PRUNE2: variants seen among roughly 807,000 people sequenced by gnomAD.
PRUNE2 encodes prune homolog 2 with BCH domain, also known as protein prune homolog 2.
Under a neutral mutation model 252.0 loss-of-function variants are expected in PRUNE2, and 164 were observed. That is an observed-to-expected ratio of 0.65 (90% confidence interval 0.57 to 0.74). The LOEUF is 0.74. Among genes scored for constraint, PRUNE2 ranks in the 30% least tolerant of loss-of-function variants. The probability of loss-of-function intolerance (pLI) is 0.00; values close to 1 mark genes in which losing one functional copy is unlikely to be tolerated. For synonymous variants in PRUNE2, 1,292 were observed against 1,350.2 expected (o/e 0.96, Z 0.94); for missense variants, 3,495 against 3,711.0 (o/e 0.94, Z 1.51).
chr9:76,761,486 A>C (rs1251663908), intron 6 of PRUNE2, among the ~76,000 whole-genome samples: 1 of 152,244 alleles, frequency 6.6e-6, no homozygotes, highest in Non-Finnish European at 1.5e-5. Context: ...CAAAAGACTT[A>C]GTCAATTTAA....
At chr9:76,827,597 T>C (rs910021276) in intron 4 of PRUNE2, among the ~76,000 whole-genome samples, 1 of 152,172 alleles carries the variant, frequency 6.6e-6, no homozygotes, top group Admixed American at 6.5e-5. Context: ...TCTGTTTCAG[T>C]GTAGCCTTAA....
At chr9:76,622,530 G>A (rs548584429) in intron 17 of PRUNE2, among the ~76,000 whole-genome samples, 7 of 152,006 alleles carry the variant, frequency 4.6e-5, no homozygotes, top group African/African-American at 1.4e-4. Flanking sequence ...TCAAAATAGC[G>A]CTTTAATTTC....
intron 15 of PRUNE2, among the ~76,000 whole-genome samples, chr9:76,634,294 T>C (rs1052397190): frequency 2.0e-5 from 3 of 152,234 alleles, no homozygotes; most frequent in Admixed American, 2.0e-4. Flanking sequence ...ATAAGTAGTG[T>C]TGAATTATAA....
At chr9:76,862,553 A>G (rs1460757963) in intron 1 of PRUNE2, 2 of 152,208 alleles carry the variant, frequency 1.3e-5, no homozygotes, top group Admixed American at 6.5e-5. Context: ...AGCTTCTTCT[A>G]CTAAATGATA....
At chr9:76,886,834 T>A (rs1891834) in intron 1 of PRUNE2, among the ~76,000 whole-genome samples, 86,491 of 152,000 alleles carry the variant, frequency 0.57, 24,804 homozygotes, top group African/African-American at 0.63. Context: ...ATAAATACAT[T>A]TTTAACTCAG....
chr9:76,781,924 G>A (rs1011634541), intron 6 of PRUNE2, among the ~76,000 whole-genome samples: 5 of 152,112 alleles, frequency 3.3e-5, no homozygotes, highest in African/African-American at 1.2e-4. Flanking sequence ...GAAAGCATTG[G>A]GAAAGCCTGG....
intron 6 of PRUNE2, among the ~76,000 whole-genome samples, chr9:76,801,447 T>A (rs2056547989): frequency 6.6e-6 from 1 of 152,168 alleles, no homozygotes; most frequent in African/African-American, 2.4e-5. Flanking sequence ...CTCTAATTTT[T>A]AAAAATGATT....
chr9:76,644,440 AACAG>A (rs1250089578), intron 12 of PRUNE2: 8 of 424,632 alleles, frequency 1.9e-5, no homozygotes, highest in South Asian at 1.0e-4. Context: ...AAGAATGCCA[AACAG>A]ACATTTAAAT....
rs368996448 is a variant in PRUNE2 at position 76,614,610 on chromosome 9, A to G, written c.9237-10T>C. ...CAGCTTCAAGTCAATACTGCAAAGA[A>G]AAGAAAAAGAGAGAGAAACATGAGA... On this transcript the variant is annotated splice_polypyrimidine_tract_variant and intron_variant, in intron 18 of 18. Transcript: ENST00000376718. 6.2e-7 allele frequency: 1 copy of G among 1,608,306 alleles called. No individual in the cohort carries two copies. Among genetic ancestry groups the G allele is most frequent in the Non-Finnish European group, 8.5e-7 (1 of 1,175,912 alleles).
chr9:76,703,235 T>C, intron 9 of PRUNE2, 102 bp downstream of exon 9: 1 of 1,026,614 alleles, frequency 9.7e-7, no homozygotes, highest in Non-Finnish European at 1.4e-6. Context: ...GCAAAGCTGC[T>C]ATCATCCAGG....
intron 15 of PRUNE2, among the ~76,000 whole-genome samples, chr9:76,632,553 G>A (rs1206498030): frequency 3.3e-5 from 5 of 152,092 alleles, no homozygotes; most frequent in African/African-American, 1.2e-4. Context: ...GCCAGCTGCT[G>A]TCAGTTTATT....
At chr9:76,777,467 C>T (rs1050068239) in intron 6 of PRUNE2, among the ~76,000 whole-genome samples, 1 of 152,208 alleles carries the variant, frequency 6.6e-6, no homozygotes, top group Admixed American at 6.5e-5. Flanking sequence ...TCACTCCATA[C>T]AGTTTGCTGG....
chr9:76,699,684 A>G (rs2045715631), intron 9 of PRUNE2, among the ~76,000 whole-genome samples: 1 of 152,156 alleles, frequency 6.6e-6, no homozygotes, highest in Non-Finnish European at 1.5e-5. Flanking sequence ...GCATGAGCCA[A>G]TTCCTTAAAA....
intron 4 of PRUNE2, among the ~76,000 whole-genome samples, chr9:76,843,417 C>T (rs2059502203): frequency 1.3e-5 from 2 of 152,054 alleles, no homozygotes; most frequent in African/African-American, 4.8e-5. Flanking sequence ...CACGTGTATA[C>T]CTATGTAACA....
intron 1 of PRUNE2, among the ~76,000 whole-genome samples, chr9:76,893,159 C>T (rs1018152102): frequency 2.6e-5 from 4 of 152,172 alleles, no homozygotes; most frequent in African/African-American, 9.7e-5. Flanking sequence ...GTGGGAGCAT[C>T]GCTTGAGCCT....
At chr9:76,807,041 TGTGTGTGTGTGC>T (rs2056997898) in intron 6 of PRUNE2, among the ~76,000 whole-genome samples, 1 of 147,424 alleles carries the variant, frequency 6.8e-6, no homozygotes, top group African/African-American at 2.5e-5. Flanking sequence ...TGTGTGTGTG[TGTGTGTGTGTGC>T]GCGCGCGCGT....
intron 6 of PRUNE2, chr9:76,782,955 T>C (rs2054580552): frequency 6.6e-6 from 1 of 152,242 alleles, no homozygotes; most frequent in Non-Finnish European, 1.5e-5. Flanking sequence ...TTGGTGTCTA[T>C]GAATTAGACA....
chr9:76,655,503 C>T lies in PRUNE2; in HGVS notation c.8277-1G>A. 6.2e-7 allele frequency: 1 copy of T among 1,611,708 alleles called. No individual in the cohort carries two copies. Among genetic ancestry groups the T allele is most frequent in the Non-Finnish European group, 8.5e-7 (1 of 1,178,782 alleles). On this transcript the variant is annotated splice_acceptor_variant, in intron 9 of 18. Coordinates refer to ENST00000376718, the MANE Select transcript of PRUNE2 (RefSeq NM_015225.3). LOFTEE classifies it high-confidence loss of function. Reference sequence around the variant, plus strand: ...CATTCCTACATCCTCTGACAGTAGTCTGCAAAAAAAGCAAAGCAAAGCGCG... The same window carrying T: ...CATTCCTACATCCTCTGACAGTAGTTTGCAAAAAAAGCAAAGCAAAGCGCG...
intron 1 of PRUNE2, among the ~76,000 whole-genome samples, chr9:76,859,705 G>T (rs1403705262): frequency 6.6e-6 from 1 of 151,946 alleles, no homozygotes; most frequent in African/African-American, 2.4e-5. Flanking sequence ...TTGTTTGTTT[G>T]TTTGTTTGTT....
Sources: gnomAD v4.1 joint callset for allele counts (sites outside exome capture counted in the v4.1 genomes callset) on GRCh38, gnomAD v4.1.1 for gene constraint, MANE v1.5 for transcripts, NCBI Gene and HGNC (gene_info 2026-07-23, HGNC 2026-07-21) for gene names.